COL12A1: variants seen among roughly 807,000 people sequenced by gnomAD.
COL12A1 encodes the protein collagen alpha-1(XII) chain.
A neutral mutation model predicts 349.7 loss-of-function variants in COL12A1; 114 were observed. The ratio of observed to expected loss-of-function variants is 0.33; its 90% confidence interval spans 0.28 to 0.38. The LOEUF (loss-of-function observed/expected upper bound fraction) is 0.38. Ranked by LOEUF, COL12A1 falls within the 10% of genes least tolerant of loss-of-function variation. COL12A1 has a pLI of 1.00. For missense variants in COL12A1, 3,284 were observed against 3,756.9 expected (o/e 0.87, Z 3.29); for synonymous variants, 1,369 against 1,329.0 (o/e 1.03, Z -0.66).
chr6:75,179,755 A>C (rs1035962627), intron 11 of COL12A1, among the ~76,000 whole-genome samples: 2 of 152,222 alleles, frequency 1.3e-5, no homozygotes, highest in Non-Finnish European at 2.9e-5. Flanking sequence ...ATCTATTGTG[A>C]TACTTTGCTA....
intron 49 of COL12A1, 95 bp from the exon 50 acceptor site, chr6:75,113,839 C>T (rs1167822773): frequency 5.4e-6 from 5 of 930,814 alleles, no homozygotes; most frequent in Non-Finnish European, 7.6e-6. Context: ...AACAGATACT[C>T]TTTTAAATCT....
intron 60 of COL12A1, among the ~76,000 whole-genome samples, chr6:75,093,731 AT>A (rs1351124760): frequency 6.6e-6 from 1 of 151,914 alleles, no homozygotes; most frequent in East Asian, 1.9e-4. Context: ...GATTGTTCTG[AT>A]TTTTTTTAAT....
chr6:75,096,064 C>T (rs1167712048), intron 59 of COL12A1, among the ~76,000 whole-genome samples: 1 of 152,096 alleles, frequency 6.6e-6, no homozygotes, highest in African/African-American at 2.4e-5. Context: ...ACCCTTAACC[C>T]CACCAAAATC....
intron 47 of COL12A1, 73 bp downstream of exon 47, chr6:75,117,309 A>ATT (rs1769129837): frequency 6.8e-7 from 1 of 1,471,048 alleles, no homozygotes; most frequent in South Asian, 1.2e-5. Flanking sequence ...CCCACAAAGG[A>ATT]TATAGAATTG....
chr6:75,133,455 T>C, intron 33 of COL12A1, 33 bp from the exon 34 acceptor site: 1 of 1,584,262 alleles, frequency 6.3e-7, no homozygotes, highest in Non-Finnish European at 8.6e-7. Flanking sequence ...AAGCATTGAC[T>C]TGAAAAATTT....
At chr6:75,160,432 C>A (rs1001546070) in intron 14 of COL12A1, among the ~76,000 whole-genome samples, 3 of 152,194 alleles carry the variant, frequency 2.0e-5, no homozygotes, top group Non-Finnish European at 4.4e-5. Context: ...ACTCTAGGAG[C>A]ATGGGCTCGG....
chr6:75,107,562 C>T (rs1768631759), intron 52 of COL12A1, among the ~76,000 whole-genome samples: 1 of 152,112 alleles, frequency 6.6e-6, no homozygotes, highest in Non-Finnish European at 1.5e-5. Context: ...TGAGCCACCA[C>T]ACTCAGCCTA....
In COL12A1 at chr6:75,181,072, C is replaced by A; in HGVS notation, c.2031G>T (p.Val677=). ...CACTGGTGCTCGATGCTGGCTCCACCACAGTGACCTCATCATCCCCAGCCG... is the reference window on the plus strand; with the variant it reads ...CACTGGTGCTCGATGCTGGCTCCACAACAGTGACCTCATCATCCCCAGCCG... The part of the protein sequence containing the change: ...KEAAGDDEVT[V]VEPASSTSVV... Residue 677 remains valine, a synonymous_variant, in exon 11 of 66, where the codon GTG becomes GTT. Coordinates refer to ENST00000322507, the MANE Select transcript of COL12A1 (RefSeq NM_004370.6). 6.2e-7 allele frequency: 1 copy of A among 1,614,040 alleles called. No individual in the cohort carries two copies. The highest frequency in any genetic ancestry group is 2.2e-5 in the East Asian group (1 of 44,876).
At chr6:75,191,882 T>C (rs1769949401) in intron 4 of COL12A1, 122 bp from the exon 5 acceptor site, 1 of 544,882 alleles carries the variant, frequency 1.8e-6, no homozygotes, top group Admixed American at 3.9e-5. Flanking sequence ...TCTGCCCAGC[T>C]GGTCATAGAA....
At chr6:75,170,098 CTA>C (rs1768546217) in intron 13 of COL12A1, among the ~76,000 whole-genome samples, 1 of 152,150 alleles carries the variant, frequency 6.6e-6, no homozygotes, top group Non-Finnish European at 1.5e-5. Context: ...AGTAACTTTC[CTA>C]TGTTTCCTTA....
Position 75,087,662 on chromosome 6 carries a change from T to C in COL12A1, c.9096A>G (p.Ser3032=). The change falls in exon 65 of 66, where the codon TCA becomes TCG. Residue 3032 remains serine (S), a synonymous_variant. Coordinates refer to ENST00000322507, the MANE Select transcript of COL12A1 (RefSeq NM_004370.6). ...PPGPPGRPGN[S]GIRGPPGPPG... is the part of the protein sequence containing the mutation. ...GAGGACCTGGGGGTCCTCGGATACC[T>C]GAGTTTCCAGGACGGCCAGGGGGGC... 6.2e-7 allele frequency: 1 copy of C among 1,610,892 alleles called. No homozygotes were observed. The highest frequency in any genetic ancestry group is 1.3e-5 in the African/African-American group (1 of 74,792).
At position 75,091,341 on chromosome 6, in the gene COL12A1, A is replaced by T. The variant is rs1324038921; in HGVS notation, c.8734T>A (p.Cys2912Ser). 1 of 1,613,564 alleles carries T rather than the reference A, an allele frequency of 6.2e-7. No individual in the cohort carries two copies. Among genetic ancestry groups the T allele is most frequent in the Non-Finnish European group, 8.5e-7 (1 of 1,179,914 alleles). The change falls in exon 62 of 66, where the codon TGT becomes AGT. Residue 2912 changes from cysteine (C) to serine (S), a missense_variant. Physicochemically the swap from Cys to Ser is moderately radical, Grantham distance 112. Coordinates refer to ENST00000322507, the MANE Select transcript of COL12A1 (RefSeq NM_004370.6). ...NMMRAVARQV[C>S]EQLISGQMNR... is the part of the protein sequence containing the mutation. ...ATTTTACCACTTATCAATTGTTCAC[A>T]GACTTGTCTTGCAACTGCTCGCATC...
chr6:75,177,637 C>T (rs990804778), intron 12 of COL12A1, 26 bp downstream of exon 12: 1 of 1,613,950 alleles, frequency 6.2e-7, no homozygotes, highest in Non-Finnish European at 8.5e-7. Context: ...TTGGTTGTCA[C>T]CATATGATAA....
At position 75,102,676 on chromosome 6, in the gene COL12A1, C is replaced by A. The variant is rs190917891; in HGVS notation, c.8336G>T (p.Arg2779Leu). The A allele has an allele frequency of 1.3e-6, 2 of 1,558,168 alleles. No individual in the cohort carries two copies. The highest frequency in any genetic ancestry group is 1.7e-6 in the Non-Finnish European group (2 of 1,154,472). Reference sequence around the variant, plus strand: ...GGGGCCTGGAGGACCTATGTCTCCACGAGGACCAGGGGGCCCCTAAAATAC... The same window carrying A: ...GGGGCCTGGAGGACCTATGTCTCCAAGAGGACCAGGGGGCCCCTAAAATAC... ...ISGAIGPPGP[R>L]GDIGPPGPQG... is the part of the protein sequence containing the mutation. Residue 2779 changes from arginine (R) to leucine (L), a missense_variant, in exon 56 of 66, where the codon CGT (arginine) becomes CTT (leucine). Coordinates refer to ENST00000322507, the MANE Select transcript of COL12A1 (RefSeq NM_004370.6).
intron 54 of COL12A1, among the ~76,000 whole-genome samples, chr6:75,104,143 A>G (rs1768433843): frequency 6.6e-6 from 1 of 152,090 alleles, no homozygotes; most frequent in Non-Finnish European, 1.5e-5. Context: ...CCTTGGGGAA[A>G]ATGATGGGCA....
intron 58 of COL12A1, among the ~76,000 whole-genome samples, chr6:75,100,854 T>A (rs1182895291): frequency 6.6e-6 from 1 of 152,226 alleles, no homozygotes; most frequent in Admixed American, 6.5e-5. Flanking sequence ...ACTCTCAGAC[T>A]ATTATTGGAA....
At position 75,090,893 on chromosome 6, in the gene COL12A1, C is replaced by T. The variant is rs1038319285; in HGVS notation, c.8752+430G>A. 2.6e-5 allele frequency among the ~76,000 whole-genome samples: 4 copies of T among 152,148 alleles called. No individual in the cohort carries two copies. The highest frequency in any genetic ancestry group is 9.7e-5 in the African/African-American group (4 of 41,426). ...CTAAGAGTGAGTTATGGGTTTAAGG[C>T]CCACACCAGTCTGCAGGTACTGAGC... On this transcript the variant is annotated intron_variant, in intron 62 of 65. Coordinates refer to ENST00000322507, the MANE Select transcript of COL12A1 (RefSeq NM_004370.6). This position sits in a 1 kb window ranked among gnomAD's most constrained non-coding sequence, Gnocchi z 4.1.
At chr6:75,097,199 G>T (rs1160565704) in intron 59 of COL12A1, 54 bp downstream of exon 59, 2 of 1,487,096 alleles carry the variant, frequency 1.3e-6, no homozygotes, top group South Asian at 2.3e-5. Flanking sequence ...CTAGCAAAAT[G>T]AGGTGAGAGG....
intron 35 of COL12A1, 126 bp from the exon 36 acceptor site, chr6:75,131,107 C>T: frequency 7.9e-7 from 1 of 1,268,606 alleles, no homozygotes; most frequent in Admixed American, 2.0e-5. Flanking sequence ...GCCAACTGTG[C>T]TTCTCCATAA....
Sources: gnomAD v4.1 joint callset for allele counts (sites outside exome capture counted in the v4.1 genomes callset) on GRCh38, gnomAD v4.1.1 for gene constraint, Gnocchi (gnomAD v3.1) non-coding constraint, MANE v1.5 for transcripts, NCBI Gene and HGNC (gene_info 2026-07-23, HGNC 2026-07-21) for gene names.